SLIT2: variants seen among roughly 807,000 people sequenced by gnomAD.
SLIT2 encodes the protein slit homolog 2 protein.
SLIT2 carries 41 observed loss-of-function variants against 185.7 expected under a neutral mutation model. That is an observed-to-expected ratio of 0.22 (90% CI 0.17 to 0.29). SLIT2 has a LOEUF of 0.29. Ranked by LOEUF, SLIT2 falls within the 10% of genes least tolerant of loss-of-function variation. The probability of loss-of-function intolerance (pLI) is 1.00; values close to 1 mark genes in which losing one functional copy is unlikely to be tolerated. For synonymous variants in SLIT2, 693 were observed against 680.2 expected (o/e 1.02, Z -0.29); for missense variants, 1,571 against 1,909.0 (o/e 0.82, Z 3.30).
At chr4:20,483,345 T>G (rs1349287795) in intron 6 of SLIT2, among the ~76,000 whole-genome samples, 1 of 152,020 alleles carries the variant, frequency 6.6e-6, no homozygotes, top group Non-Finnish European at 1.5e-5. Context: ...AAGGAAGCAG[T>G]TTAACACTTG....
chr4:20,549,352 A>G (rs917811091), intron 24 of SLIT2, among the ~76,000 whole-genome samples: 1 of 152,168 alleles, frequency 6.6e-6, no homozygotes, highest in African/African-American at 2.4e-5. Context: ...GATTGTTGTT[A>G]TAGTCATTTA....
intron 4 of SLIT2, among the ~76,000 whole-genome samples, chr4:20,339,486 A>G (rs1720786143): frequency 6.6e-6 from 1 of 152,168 alleles, no homozygotes; most frequent in Admixed American, 6.5e-5. Flanking sequence ...GGCTGTTTGG[A>G]GGAATCTTCA....
At chr4:20,359,828 G>A (rs1722599494) in intron 4 of SLIT2, among the ~76,000 whole-genome samples, 3 of 152,132 alleles carry the variant, frequency 2.0e-5, no homozygotes, top group African/African-American at 7.2e-5. Flanking sequence ...ATGTTTAGCA[G>A]ACCTACAAAG....
At chr4:20,323,907 A>G (rs1423394117) in intron 4 of SLIT2, among the ~76,000 whole-genome samples, 1 of 152,216 alleles carries the variant, frequency 6.6e-6, no homozygotes, top group East Asian at 1.9e-4. Flanking sequence ...TATTTGATGT[A>G]TACCTAAAAC....
At chr4:20,261,004 T>C (rs935535901) in intron 3 of SLIT2, among the ~76,000 whole-genome samples, 1 of 151,792 alleles carries the variant, frequency 6.6e-6, no homozygotes, top group Non-Finnish European at 1.5e-5. Flanking sequence ...CAGAATGTGG[T>C]TGTGCATCAC....
At chr4:20,514,883 G>A (rs1179439581) in intron 11 of SLIT2, among the ~76,000 whole-genome samples, 2 of 151,782 alleles carry the variant, frequency 1.3e-5, no homozygotes, top group African/African-American at 4.8e-5. Flanking sequence ...AAACATTCAT[G>A]TCGTTTTCAG....
intron 4 of SLIT2, among the ~76,000 whole-genome samples, chr4:20,463,370 T>G (rs1713930267): frequency 6.7e-6 from 1 of 150,288 alleles, no homozygotes; most frequent in Non-Finnish European, 1.5e-5. Flanking sequence ...CCTTCTTTGA[T>G]CTGTGTCCTT....
At chr4:20,294,908 G>A (rs1222456361) in intron 4 of SLIT2, among the ~76,000 whole-genome samples, 2 of 152,170 alleles carry the variant, frequency 1.3e-5, no homozygotes, top group Non-Finnish European at 2.9e-5. Flanking sequence ...TATATCACAC[G>A]AAAATCAGTT....
chr4:20,583,390 T>A (rs1290031754), intron 29 of SLIT2, among the ~76,000 whole-genome samples: 1 of 152,190 alleles, frequency 6.6e-6, no homozygotes, highest in Non-Finnish European at 1.5e-5. Context: ...TGTAGAATAG[T>A]TCTAAAACTA....
rs761768683 is a variant in SLIT2 at position 20,519,466 on chromosome 4, T to C, written c.1130+13T>C. ...CCTTACAGCTCCTGTAAGTATTTGA[T>C]TGTTTTGGATCTCTCGAGCCTAATA... On this transcript the variant is annotated intron_variant, in intron 12 of 36. Transcript: ENST00000504154. The C allele has an allele frequency of 2.0e-6, 3 of 1,482,924 alleles. No individual in the cohort carries two copies. The highest frequency in any genetic ancestry group is 1.7e-5 in the Admixed American group (1 of 58,822). The allele number at this position is 1,482,924 out of a possible 1,614,324, so 91.9% of individuals were successfully genotyped here. A position where few individuals can be genotyped will look rare whatever the true frequency, so the allele number is the denominator to read the frequency against.
At chr4:20,344,138 G>C (rs1432812941) in intron 4 of SLIT2, among the ~76,000 whole-genome samples, 1 of 152,134 alleles carries the variant, frequency 6.6e-6, no homozygotes, top group Non-Finnish European at 1.5e-5. Flanking sequence ...GTGAGCCACC[G>C]CGCCCGGCCA....
intron 4 of SLIT2, among the ~76,000 whole-genome samples, chr4:20,270,234 G>T (rs1713462725): frequency 6.6e-6 from 1 of 151,932 alleles, no homozygotes; most frequent in South Asian, 2.1e-4. Context: ...AAGGGCCATA[G>T]AATTGGTTTT....
chr4:20,617,411 C>T, intron 35 of SLIT2, 28 bp from the exon 36 acceptor site: 1 of 1,593,272 alleles, frequency 6.3e-7, no homozygotes, highest in Non-Finnish European at 8.6e-7. Context: ...TGAATGCATT[C>T]CCACTCCTGT....
chr4:20,378,915 A>G, intron 4 of SLIT2, among the ~76,000 whole-genome samples: 1 of 152,160 alleles, frequency 6.6e-6, no homozygotes, highest in African/African-American at 2.4e-5. Context: ...CTAAAGAGAA[A>G]TGAACTGTGA....
chr4:20,351,787 G>A (rs1721902039), intron 4 of SLIT2, among the ~76,000 whole-genome samples: 1 of 152,064 alleles, frequency 6.6e-6, no homozygotes, highest in Non-Finnish European at 1.5e-5. Flanking sequence ...GTGTTAATGG[G>A]GTGCTGAAAA....
At chr4:20,277,654 A>G (rs965374867) in intron 4 of SLIT2, among the ~76,000 whole-genome samples, 3 of 150,730 alleles carry the variant, frequency 2.0e-5, no homozygotes, top group African/African-American at 7.3e-5. Flanking sequence ...ATATGCAAGC[A>G]TATTCTATTG....
chr4:20,263,565 T>C (rs934191355), intron 3 of SLIT2, among the ~76,000 whole-genome samples: 9 of 151,932 alleles, frequency 5.9e-5, no homozygotes, highest in African/African-American at 2.2e-4. Flanking sequence ...AATTGTACTG[T>C]TGATTGTGGT....
intron 4 of SLIT2, among the ~76,000 whole-genome samples, chr4:20,270,639 G>A (rs1231178910): frequency 6.6e-6 from 1 of 151,902 alleles, no homozygotes; most frequent in African/African-American, 2.4e-5. Flanking sequence ...ATTTGTCCTG[G>A]GGAGTAATAA....
At chr4:20,383,948 C>G (rs765679189) in intron 4 of SLIT2, among the ~76,000 whole-genome samples, 2 of 152,196 alleles carry the variant, frequency 1.3e-5, no homozygotes, top group South Asian at 4.1e-4. Flanking sequence ...TCAAGTGATC[C>G]ACTCACCTAG....
Sources: gnomAD v4.1 joint callset for allele counts (sites outside exome capture counted in the v4.1 genomes callset) on GRCh38, gnomAD v4.1.1 for gene constraint, MANE v1.5 for transcripts, NCBI Gene and HGNC (gene_info 2026-07-23, HGNC 2026-07-21) for gene names.